The following ATP2A2 variants were observed in gnomAD, a reference collection of about 807,000 sequenced individuals.
ATP2A2 encodes the protein sarcoplasmic/endoplasmic reticulum calcium ATPase 2.
In ATP2A2, 14 loss-of-function variants were observed where a neutral mutation model predicts 109.3. That is an observed-to-expected ratio of 0.13 (90% confidence interval 0.08 to 0.20). The LOEUF is 0.20. Among genes scored for constraint, ATP2A2 ranks in the 10% least tolerant of loss-of-function variants. The pLI is 1.00. For synonymous variants in ATP2A2, 506 were observed against 490.9 expected (o/e 1.03, Z -0.41); for missense variants, 657 against 1,321.6 (o/e 0.50, Z 7.80).
chr12:110,338,692 C>T (rs1879071715), intron 11 of ATP2A2, among the ~76,000 whole-genome samples: 2 of 152,220 alleles, frequency 1.3e-5, no homozygotes, highest in African/African-American at 4.8e-5. Context: ...AGGTGATCCA[C>T]TGCACCCGAC....
chr12:110,335,904 C>G (rs1470508725), intron 11 of ATP2A2, among the ~76,000 whole-genome samples: 1 of 152,238 alleles, frequency 6.6e-6, no homozygotes, highest in Non-Finnish European at 1.5e-5. Flanking sequence ...AGCAGCTGCT[C>G]CTTTTATATG....
intron 3 of ATP2A2, among the ~76,000 whole-genome samples, chr12:110,288,026 G>T (rs1262502987): frequency 1.3e-5 from 2 of 151,184 alleles, no homozygotes; most frequent in Non-Finnish European, 2.9e-5. Flanking sequence ...TGCAGCCTCA[G>T]ACACCTGGGC....
chr12:110,345,358 T>C lies in ATP2A2; in HGVS notation c.2717T>C (p.Ile906Thr). 1 of 1,614,204 alleles carries C rather than the reference T, an allele frequency of 6.2e-7. No individual in the cohort carries two copies. The highest frequency in any genetic ancestry group is 8.5e-7 in the Non-Finnish European group (1 of 1,180,030). Residue 906 changes from isoleucine (I) to threonine (T), a missense_variant, in exon 18 of 20, where the codon ATA becomes ACA. This residue lies in a region of ATP2A2 where 125 missense variants were observed against 243.5 expected (regional missense o/e 0.51). Transcript: ENST00000539276. The stretch of plus-strand genomic sequence containing the variant: ...ATGGCGCTCTCTGTTCTAGTAACTA[T>C]AGAAATGTGTAACGCCCTCAACAGG... The part of the protein sequence containing the change: ...MTMALSVLVT[I>T]EMCNALNSLS...
chr12:110,293,826 A>ATG (rs59260681), intron 4 of ATP2A2, among the ~76,000 whole-genome samples: 12,457 of 108,312 alleles, frequency 0.12, 919 homozygotes, highest in East Asian at 0.17. Flanking sequence ...TGCCATATAT[A>ATG]TGTGTGTGTG....
rs770065068 is a variant in ATP2A2 at position 110,342,411 on chromosome 12, C to T, written c.2281C>T (p.Arg761Cys). The change falls in exon 15 of 20, where the codon CGC (arginine) becomes TGC (cysteine). Residue 761 changes from arginine (R) to cysteine (C), a missense_variant. Around this residue, in one of 9 missense-constraint regions of ATP2A2, gnomAD observed 50 missense variants for 176.9 expected, o/e 0.28. Transcript: ENST00000539276. The surrounding 1 kb of genome is among the most constrained non-coding windows in gnomAD (Gnocchi z 4.6). ...AIYNNMKQFI[R>C]YLISSNVGEV... ...CTACAACAACATGAAACAGTTCATC[C>T]GCTACCTCATCTCGTCCAACGTCGG... 2 of 1,613,894 alleles carry T rather than the reference C, an allele frequency of 1.2e-6. No homozygotes were observed. Among genetic ancestry groups the T allele is most frequent in the Non-Finnish European group, 1.7e-6 (2 of 1,180,050 alleles).
intron 5 of ATP2A2, among the ~76,000 whole-genome samples, chr12:110,297,286 T>C (rs886775717): frequency 2.0e-5 from 3 of 151,860 alleles, no homozygotes; most frequent in East Asian, 3.9e-4. Flanking sequence ...AATGCAAAAA[T>C]TAGCCGGGCA....
chr12:110,295,709 T>G (rs1233820274), intron 4 of ATP2A2, among the ~76,000 whole-genome samples: 1 of 152,224 alleles, frequency 6.6e-6, no homozygotes, highest in Admixed American at 6.5e-5. Context: ...TTTAGGCTGG[T>G]TTGATTCTAC....
chr12:110,283,077 A>G (rs1170988945), intron 3 of ATP2A2, among the ~76,000 whole-genome samples: 2 of 152,250 alleles, frequency 1.3e-5, no homozygotes, highest in Admixed American at 6.5e-5. Flanking sequence ...TTTAATATCA[A>G]AAAGTTCTTT....
At position 110,281,809 on chromosome 12, in the gene ATP2A2, A is replaced by C. The variant is rs763744362; in HGVS notation, c.20A>C (p.Lys7Thr). 4 of 1,542,906 alleles carry C rather than the reference A, an allele frequency of 2.6e-6. No individual in the cohort carries two copies. The East Asian group carries it at 1.0e-4, about 39-fold the overall frequency. ...GAAGCCATGGAGAACGCGCACACCA[A>C]GACGGTGGAGGAGGTGCTGGGCCAC... MENAHTKTVEEVLGHFG... is the reference protein window; with the variant it reads MENAHTTTVEEVLGHFG... Residue 7 changes from lysine (K) to threonine (T), a missense_variant, in exon 1 of 20, where the codon AAG becomes ACG. Around this residue, in one of 9 missense-constraint regions of ATP2A2, gnomAD observed 64 missense variants for 65.4 expected, o/e 0.98. Coordinates refer to ENST00000539276, the MANE Select transcript of ATP2A2 (RefSeq NM_170665.4).
intron 5 of ATP2A2, among the ~76,000 whole-genome samples, chr12:110,305,437 T>A (rs2137748339): frequency 6.6e-6 from 1 of 152,226 alleles, no homozygotes; most frequent in South Asian, 2.1e-4. Flanking sequence ...AAAACTATGG[T>A]GTGAGGTAGG....
At position 110,327,193 on chromosome 12, in the gene ATP2A2, C is replaced by A. The variant is rs368009416; in HGVS notation, c.631-360C>A. 6.7e-4 allele frequency among the ~76,000 whole-genome samples: 102 copies of A among 152,256 alleles called. 2 individuals carry two copies. In the South Asian group the frequency reaches 0.021, roughly 32 times the overall value. ...ATGGGGCTAGTTGCCGTTTCTATTA[C>A]AGTGAGAAAAGTAGGGGCCTTGAGT... On this transcript the variant is annotated intron_variant, in intron 7 of 19. Transcript: ENST00000539276. This position sits in a 1 kb window ranked among gnomAD's most constrained non-coding sequence, Gnocchi z 4.4.
At chr12:110,295,113 C>T (rs1378744522) in intron 4 of ATP2A2, among the ~76,000 whole-genome samples, 1 of 152,068 alleles carries the variant, frequency 6.6e-6, no homozygotes, top group Non-Finnish European at 1.5e-5. Context: ...GCCACCATGC[C>T]CAGCCTTTTC....
intron 6 of ATP2A2, among the ~76,000 whole-genome samples, chr12:110,325,518 C>G (rs2137810126): frequency 6.6e-6 from 1 of 152,014 alleles, no homozygotes; most frequent in Non-Finnish European, 1.5e-5. Flanking sequence ...CCTGTAATCC[C>G]AGCTACTTGG....
upstream of ATP2A2, chr12:110,281,085 CG>C (rs1223017074): frequency 6.7e-6 from 1 of 150,308 alleles, no homozygotes; most frequent in African/African-American, 2.4e-5. Flanking sequence ...CGGGAGGGGG[CG>C]GGGCCTGCGC....
At chr12:110,328,476 G>A (rs1878021930) in intron 8 of ATP2A2, among the ~76,000 whole-genome samples, 1 of 152,162 alleles carries the variant, frequency 6.6e-6, no homozygotes, top group African/African-American at 2.4e-5. Context: ...GGCTGAGACA[G>A]GAGAATTGCT....
chr12:110,294,821 A>G (rs1334732042), intron 4 of ATP2A2, among the ~76,000 whole-genome samples: 3 of 151,766 alleles, frequency 2.0e-5, no homozygotes, highest in Admixed American at 6.6e-5. Flanking sequence ...GTCATCAAGG[A>G]GGGCTTTATT....
At chr12:110,312,338 C>G (rs901503354) in intron 5 of ATP2A2, among the ~76,000 whole-genome samples, 2 of 152,128 alleles carry the variant, frequency 1.3e-5, no homozygotes, top group African/African-American at 4.8e-5. Flanking sequence ...CCTGATTATT[C>G]TGCATTTCTA....
chr12:110,292,336 G>C (rs553307433), intron 4 of ATP2A2, among the ~76,000 whole-genome samples: 2 of 151,614 alleles, frequency 1.3e-5, no homozygotes, highest in Admixed American at 6.6e-5. Flanking sequence ...GTGTTGTCTC[G>C]GCTCACTGCA....
chr12:110,289,751 C>T (rs902025348), intron 3 of ATP2A2, among the ~76,000 whole-genome samples: 16 of 151,862 alleles, frequency 1.1e-4, no homozygotes, highest in Non-Finnish European at 1.6e-4. Context: ...AAAAAAAATT[C>T]GACCTCCAAG....
Sources: allele counts gnomAD v4.1 joint callset (sites outside exome capture counted in the v4.1 genomes callset), GRCh38; gene constraint gnomAD v4.1.1; regional missense constraint gnomAD v4.1.1; non-coding constraint Gnocchi (gnomAD v3.1); transcripts MANE v1.5; gene names NCBI Gene and HGNC (gene_info 2026-07-23, HGNC 2026-07-21).